Variants in KCNS3 observed in about 807,000 individuals in gnomAD.
KCNS3 encodes delayed-rectifier potassium channel regulatory subunit KCNS3.
Under a neutral mutation model 31.0 loss-of-function variants are expected in KCNS3, and 13 were observed. The observed-to-expected ratio is 0.42, with a 90% CI of 0.27 to 0.67. The LOEUF (loss-of-function observed/expected upper bound fraction) is 0.67, where lower values mean the gene tolerates loss of function less well. Among genes scored for constraint, KCNS3 ranks in the 30% least tolerant of loss-of-function variants. The pLI, the probability that KCNS3 is intolerant of heterozygous loss-of-function variation, is 0.25. For missense variants in KCNS3, 545 were observed against 622.4 expected (o/e 0.88, Z 1.32); for synonymous variants, 238 against 241.5 (o/e 0.99, Z 0.13).
intron 1 of KCNS3, among the ~76,000 whole-genome samples, chr2:17,901,778 A>G (rs1277373910): frequency 1.3e-5 from 2 of 152,012 alleles, no homozygotes; most frequent in East Asian, 2.0e-4. Context: ...AACAGGAAGA[A>G]CCATAGTTGC....
At position 17,922,903 on chromosome 2, in the gene KCNS3, C is replaced by T. The variant is rs565228430; in HGVS notation, c.-60+5032C>T. Among the ~76,000 whole-genome samples, 211 of 152,204 alleles carry T rather than the reference C, an allele frequency of 1.4e-3. 4 individuals are homozygous for T. Among genetic ancestry groups the T allele is most frequent in the Non-Finnish European group, 1.3e-3 (88 of 68,012 alleles). ...TTCGCTATTATGAATAATGCTGCTA[C>T]GAACATTACATACAGTTTTTGTTTG... On this transcript the variant is annotated intron_variant, in intron 2 of 2. Transcript: ENST00000304101.
At chr2:17,903,737 T>G (rs141524527) in intron 1 of KCNS3, among the ~76,000 whole-genome samples, 6,358 of 152,192 alleles carry the variant, frequency 0.042, 137 homozygotes, top group African/African-American at 0.051. Context: ...GACACTTTGC[T>G]GAGAATGATG....
chr2:17,884,010 A>G (rs1382656551), intron 1 of KCNS3, among the ~76,000 whole-genome samples: 1 of 149,992 alleles, frequency 6.7e-6, no homozygotes, highest in African/African-American at 2.5e-5. Flanking sequence ...GCAAGGACAA[A>G]AAACCAAACA....
intron 1 of KCNS3, among the ~76,000 whole-genome samples, chr2:17,880,766 A>C (rs1456310796): frequency 6.6e-6 from 1 of 152,246 alleles, no homozygotes; most frequent in East Asian, 1.9e-4. Flanking sequence ...CCAGCAAAGC[A>C]CCAACTGAGT....
At chr2:17,882,764 A>G (rs1674670412) in intron 1 of KCNS3, among the ~76,000 whole-genome samples, 1 of 152,262 alleles carries the variant, frequency 6.6e-6, no homozygotes, top group Non-Finnish European at 1.5e-5. Context: ...CTTAAAATGT[A>G]CAACAAAATG....
At position 17,931,156 on chromosome 2, in the gene KCNS3, G is replaced by A; in HGVS notation, c.148G>A (p.Glu50Lys). The A allele has an allele frequency of 3.7e-6, 6 of 1,614,160 alleles. No individual in the cohort carries two copies. The highest frequency in any genetic ancestry group is 5.1e-6 in the Non-Finnish European group (6 of 1,180,004). The change falls in exon 3 of 3, where the codon GAA becomes AAA. Residue 50 changes from glutamate (E) to lysine (K), a missense_variant. Coordinates refer to ENST00000304101, the MANE Select transcript of KCNS3 (RefSeq NM_002252.5). This position sits in a 1 kb window ranked among gnomAD's most constrained non-coding sequence, Gnocchi z 5.4. ...RLGKLLTCHS[E>K]EAILELCDDY... The stretch of plus-strand genomic sequence containing the variant: ...GGGGAAGCTGCTTACTTGCCATTCT[G>A]AAGAGGCCATTCTGGAGCTGTGTGA...
chr2:17,897,549 G>A (rs559072409), intron 1 of KCNS3, among the ~76,000 whole-genome samples: 9 of 152,210 alleles, frequency 5.9e-5, no homozygotes, highest in South Asian at 4.1e-4. Flanking sequence ...TCTGATCATC[G>A]GTGATGATGA....
intron 1 of KCNS3, among the ~76,000 whole-genome samples, chr2:17,900,604 C>G (rs919976032): frequency 6.6e-6 from 1 of 152,108 alleles, no homozygotes; most frequent in Non-Finnish European, 1.5e-5. Context: ...ATTTTCCTGC[C>G]TTAGCCTCCT....
chr2:17,910,804 A>G (rs540228866), intron 1 of KCNS3, among the ~76,000 whole-genome samples: 1 of 152,240 alleles, frequency 6.6e-6, no homozygotes, highest in African/African-American at 2.4e-5. Flanking sequence ...TCCCATAGAC[A>G]TCTCTTACTT....
chr2:17,898,688 C>T (rs901723913), intron 1 of KCNS3, among the ~76,000 whole-genome samples: 18 of 151,996 alleles, frequency 1.2e-4, no homozygotes, highest in African/African-American at 2.2e-4. Flanking sequence ...TTGAAAGGGG[C>T]GCAAGGAGAG....
At chr2:17,892,872 G>A (rs1661892834) in intron 1 of KCNS3, among the ~76,000 whole-genome samples, 1 of 152,226 alleles carries the variant, frequency 6.6e-6, no homozygotes, top group Non-Finnish European at 1.5e-5. Context: ...AGGATCCTTA[G>A]CTTTGGTGGT....
At chr2:17,886,957 C>T (rs985878378) in intron 1 of KCNS3, among the ~76,000 whole-genome samples, 7 of 144,290 alleles carry the variant, frequency 4.9e-5, no homozygotes, top group African/African-American at 1.9e-4. Context: ...GCAGGTTCCC[C>T]AGACTTGTTG....
intron 2 of KCNS3, among the ~76,000 whole-genome samples, chr2:17,928,853 TC>T (rs1159227861): frequency 1.3e-5 from 2 of 152,276 alleles, no homozygotes; most frequent in African/African-American, 4.8e-5. Context: ...CCTTTTTTTT[TC>T]CCAATCAGTT....
Position 17,930,950 on chromosome 2 carries a change from G to A in KCNS3, c.-59G>A. On this transcript the variant is annotated splice_region_variant and 5_prime_UTR_variant, in exon 3 of 3. The change creates a new upstream start codon in the 5' untranslated region. Coordinates refer to ENST00000304101, the MANE Select transcript of KCNS3 (RefSeq NM_002252.5). ...TAATATCATCTTGTGCTCTTTCCAG[G>A]TGCAGCCTGATCTTCCTCTTCTCCC... 1 of 1,564,756 alleles carries A rather than the reference G, an allele frequency of 6.4e-7. No individual in the cohort carries two copies. The highest frequency in any genetic ancestry group is 8.7e-7 in the Non-Finnish European group (1 of 1,153,592).
chr2:17,901,981 C>T (rs907548117), intron 1 of KCNS3, among the ~76,000 whole-genome samples: 5 of 152,096 alleles, frequency 3.3e-5, no homozygotes, highest in Non-Finnish European at 5.9e-5. Flanking sequence ...TGGGTCCCTG[C>T]CTTGCTCCTG....
At position 17,905,787 on chromosome 2, in the gene KCNS3, A is replaced by C. The variant is rs548297217; in HGVS notation, c.-251-11893A>C. Among the ~76,000 whole-genome samples the C allele has an allele frequency of 4.6e-4, 70 of 152,354 alleles. 1 individual carries two copies. Among genetic ancestry groups the C allele is most frequent in the Middle Eastern group, 6.8e-3 (2 of 294 alleles). ...TTTATTGATTTGCATATGTTGAACCAGTCTTGCATCCCAGGGATGAAGCCC... is the reference window on the plus strand; with the variant it reads ...TTTATTGATTTGCATATGTTGAACCCGTCTTGCATCCCAGGGATGAAGCCC... On this transcript the variant is annotated intron_variant, in intron 1 of 2. Transcript: ENST00000304101.
chr2:17,912,539 T>C (rs1462456290), intron 1 of KCNS3, among the ~76,000 whole-genome samples: 1 of 152,216 alleles, frequency 6.6e-6, no homozygotes, highest in East Asian at 1.9e-4. Flanking sequence ...TTCTATGAGG[T>C]GCACACCCTT....
intron 2 of KCNS3, among the ~76,000 whole-genome samples, chr2:17,929,924 T>C (rs531502862): frequency 6.1e-4 from 93 of 152,168 alleles, no homozygotes; most frequent in Non-Finnish European, 1.1e-3. Context: ...AATGACATAA[T>C]GTGTAAAGGC....
chr2:17,926,853 T>C (rs1387243687), intron 2 of KCNS3, among the ~76,000 whole-genome samples: 3 of 152,274 alleles, frequency 2.0e-5, no homozygotes, highest in African/African-American at 7.2e-5. Flanking sequence ...ATTCAGCTCC[T>C]GGTTACTTAT....
Sources: gnomAD v4.1 joint callset for allele counts (sites outside exome capture counted in the v4.1 genomes callset) on GRCh38, gnomAD v4.1.1 for gene constraint, Gnocchi (gnomAD v3.1) non-coding constraint, MANE v1.5 for transcripts, NCBI Gene and HGNC (gene_info 2026-07-23, HGNC 2026-07-21) for gene names.